Variants in COL4A1 observed in about 807,000 individuals in gnomAD.
The protein encoded by COL4A1 is collagen alpha-1(IV) chain.
COL4A1 carries 40 observed loss-of-function variants against 216.6 expected under a neutral mutation model. That is an observed-to-expected ratio of 0.18 (90% CI 0.14 to 0.24). COL4A1 has a LOEUF of 0.24. COL4A1 is among the 10% of genes least tolerant of loss of function. The pLI is 1.00. For synonymous variants in COL4A1, 839 were observed against 810.7 expected (o/e 1.03, Z -0.59); for missense variants, 1,628 against 2,196.8 (o/e 0.74, Z 5.18).
At chr13:110,165,024 C>T (rs1381193926) in intron 45 of COL4A1, 34 bp from the exon 46 acceptor site, 1 of 1,593,958 alleles carries the variant, frequency 6.3e-7, no homozygotes, top group Non-Finnish European at 8.5e-7. Context: ...ATCAATTTCA[C>T]TGTCCACATA....
At chr13:110,198,155 G>A (rs1044130965) in intron 21 of COL4A1, among the ~76,000 whole-genome samples, 1 of 150,576 alleles carries the variant, frequency 6.6e-6, no homozygotes, top group Admixed American at 6.6e-5. Flanking sequence ...GAAGAAGAAT[G>A]CATTCTGTTT....
chr13:110,289,857 C>T (rs1312682259), intron 1 of COL4A1, among the ~76,000 whole-genome samples: 3 of 152,212 alleles, frequency 2.0e-5, no homozygotes, highest in African/African-American at 4.8e-5. Context: ...TGTCTTCCAA[C>T]AGAAACATGT....
At chr13:110,192,593 T>C (rs1266579538) in intron 23 of COL4A1, among the ~76,000 whole-genome samples, 1 of 152,162 alleles carries the variant, frequency 6.6e-6, no homozygotes, top group Non-Finnish European at 1.5e-5. Flanking sequence ...ACAGAATCTG[T>C]GGCATGGAGG....
chr13:110,176,816 A>C, intron 34 of COL4A1, 69 bp downstream of exon 34: 1 of 1,613,918 alleles, frequency 6.2e-7, no homozygotes. Context: ...TTATTTATGG[A>C]GGACCCGATA....
chr13:110,289,639 T>A (rs1419294463), intron 1 of COL4A1, among the ~76,000 whole-genome samples: 1 of 152,222 alleles, frequency 6.6e-6, no homozygotes, highest in East Asian at 1.9e-4. Flanking sequence ...GAGTTCAACA[T>A]GTTAGACGTT....
intron 18 of COL4A1, among the ~76,000 whole-genome samples, chr13:110,202,079 C>T (rs2139192305): frequency 6.6e-6 from 1 of 152,306 alleles, no homozygotes. Context: ...GGTTCTGCTT[C>T]CTTTTGTAAT....
chr13:110,215,492 C>G (rs184181661), intron 2 of COL4A1, among the ~76,000 whole-genome samples: 7 of 147,806 alleles, frequency 4.7e-5, no homozygotes, highest in Admixed American at 2.1e-4. Flanking sequence ...ACCTGGGAGG[C>G]AGAGGTTGCA....
Position 110,170,532 on chromosome 13 carries a change from G to GC in COL4A1, c.3742+14dup, listed in dbSNP as rs761797795. ...TCCCAGTCCTCAGCCCTGGCCCCTG[G>GC]CGAGATGCCCTTACCTGGCAGGCCA... is the stretch of plus-strand genomic sequence containing the variant. On this transcript the variant is annotated intron_variant, in intron 42 of 51. Coordinates refer to ENST00000375820, the MANE Select transcript of COL4A1 (RefSeq NM_001845.6). The GC allele has an allele frequency of 1.4e-5, 22 of 1,588,022 alleles. No homozygotes were observed. The Admixed American group carries it at 3.9e-4, about 28-fold the overall frequency.
At chr13:110,216,092 C>T (rs1421668584) in intron 2 of COL4A1, among the ~76,000 whole-genome samples, 1 of 152,210 alleles carries the variant, frequency 6.6e-6, no homozygotes, top group Non-Finnish European at 1.5e-5. Flanking sequence ...TGTGGCACTG[C>T]CCCTTCAGGC....
At chr13:110,173,818 TATTCACTGAA>T (rs1342055468) in intron 40 of COL4A1, 72 bp downstream of exon 40, 1 of 1,522,908 alleles carries the variant, frequency 6.6e-7, no homozygotes, top group Non-Finnish European at 9.1e-7. Flanking sequence ...TGCCCAGCTT[TATTCACTGAA>T]CACAGGCAGT....
At chr13:110,235,111 A>G (rs1881246567) in intron 2 of COL4A1, among the ~76,000 whole-genome samples, 2 of 152,198 alleles carry the variant, frequency 1.3e-5, no homozygotes, top group Non-Finnish European at 2.9e-5. Flanking sequence ...ACTAAGTCAA[A>G]TCTGGCACAG....
intron 1 of COL4A1, among the ~76,000 whole-genome samples, chr13:110,274,837 C>T (rs979938417): frequency 9.2e-5 from 14 of 152,184 alleles, no homozygotes; most frequent in Admixed American, 7.2e-4. Flanking sequence ...ATTGTGCCAA[C>T]GCCAGGCCCT....
At position 110,186,386 on chromosome 13, in the gene COL4A1, T is replaced by C. The variant is rs776189533; in HGVS notation, c.1896A>G (p.Pro632=). ...CATCACGAGTTTCTCAGGCCTCACC[T>C]GGCAGGCCTGGGGATCCAGGGCCTC... ...FPGGPGSPGL[P]GPKGEPGKIV... is the part of the protein sequence containing the mutation. The change falls in exon 26 of 52, where the codon CCA becomes CCG. Residue 632 remains proline, a splice_region_variant and synonymous_variant. Transcript: ENST00000375820. The C allele has an allele frequency of 4.3e-6, 7 of 1,613,004 alleles. No individual in the cohort carries two copies. The highest frequency in any genetic ancestry group is 5.1e-6 in the Non-Finnish European group (6 of 1,180,038).
chr13:110,178,844 T>C (rs768235903), intron 31 of COL4A1, 79 bp downstream of exon 31: 11 of 1,080,790 alleles, frequency 1.0e-5, no homozygotes, highest in Non-Finnish European at 1.4e-5. Context: ...CTTCACTTTA[T>C]AGGGACCCCG....
At chr13:110,167,088 G>C in intron 44 of COL4A1, 70 bp downstream of exon 44, 1 of 1,288,360 alleles carries the variant, frequency 7.8e-7, no homozygotes, top group Non-Finnish European at 1.1e-6. Flanking sequence ...TAAGGTGCCC[G>C]AGGTTAGCAA....
intron 1 of COL4A1, among the ~76,000 whole-genome samples, chr13:110,282,885 A>G (rs535513802): frequency 2.6e-5 from 4 of 152,312 alleles, no homozygotes; most frequent in South Asian, 2.1e-4. Context: ...CTGGAATTCA[A>G]TTTTGTTCTT....
intron 2 of COL4A1, among the ~76,000 whole-genome samples, chr13:110,221,706 C>CT (rs896687866): frequency 6.6e-6 from 1 of 152,132 alleles, no homozygotes; most frequent in African/African-American, 2.4e-5. Context: ...TTTTTCTTAT[C>CT]TTTTTTCAGA....
chr13:110,219,670 A>ATATATATATG (rs1555307844), intron 2 of COL4A1, among the ~76,000 whole-genome samples: 3 of 72,610 alleles, frequency 4.1e-5, no homozygotes, highest in Non-Finnish European at 9.2e-5. Context: ...ATGTATATAT[A>ATATATATATG]TATATATGTG....
At chr13:110,200,832 CA>C (rs1566369277) in intron 20 of COL4A1, 21 bp downstream of exon 20, 1 of 1,612,866 alleles carries the variant, frequency 6.2e-7, no homozygotes, top group South Asian at 1.1e-5. Flanking sequence ...TATGCTATAA[CA>C]AATCAGTTAA....
Sources: gnomAD v4.1 joint callset for allele counts (sites outside exome capture counted in the v4.1 genomes callset) on GRCh38, gnomAD v4.1.1 for gene constraint, MANE v1.5 for transcripts, NCBI Gene and HGNC (gene_info 2026-07-23, HGNC 2026-07-21) for gene names.